Variants in RIMBP2 observed in about 807,000 individuals in gnomAD.
The protein encoded by RIMBP2 is RIMS binding protein 2.
In RIMBP2, 48 loss-of-function variants were observed where a neutral mutation model predicts 118.6. That is an observed-to-expected ratio of 0.40 (90% CI 0.32 to 0.51). RIMBP2 has a LOEUF of 0.51. Ranked by LOEUF, RIMBP2 falls within the 20% of genes least tolerant of loss-of-function variation. The probability of loss-of-function intolerance (pLI) is 0.41; values close to 1 mark genes in which losing one functional copy is unlikely to be tolerated. For synonymous variants in RIMBP2, 762 were observed against 742.9 expected, an observed-to-expected ratio of 1.03 and a Z score of -0.42; for missense variants, 1,551 against 1,768.3, an observed-to-expected ratio of 0.88 and a Z score of 2.20.
intron 2 of RIMBP2, among the ~76,000 whole-genome samples, chr12:130,520,554 C>T (rs976448740): frequency 2.0e-5 from 3 of 151,904 alleles, no homozygotes; most frequent in African/African-American, 7.3e-5. Context: ...CACCTGTAAT[C>T]CCAGCTACTC....
In RIMBP2 at chr12:130,525,655, G is replaced by C. The variant is rs938421772; in HGVS notation, c.-216-7738C>G. Among the ~76,000 whole-genome samples, 1 of 152,180 alleles carries C rather than the reference G, an allele frequency of 6.6e-6. No individual in the cohort carries two copies. Among genetic ancestry groups the C allele is most frequent in the Non-Finnish European group, 1.5e-5 (1 of 68,038 alleles). On this transcript the variant is annotated intron_variant, in intron 2 of 22. Transcript: ENST00000690449. The surrounding 1 kb of genome is among the most constrained non-coding windows in gnomAD (Gnocchi z 4.4). ...ATGGACACATGGGGAAGGCATGAGG[G>C]CAGCAGAGAGAAGGACGGGGCACTT...
rs564009004 is a variant in RIMBP2, at chr12:130,559,680, C to T, written c.-216-41763G>A. Among the ~76,000 whole-genome samples, 8 of 152,298 alleles carry T rather than the reference C, an allele frequency of 5.3e-5. No homozygotes were observed. In the South Asian group the frequency reaches 1.0e-3, roughly 20 times the overall value. On this transcript the variant is annotated intron_variant, in intron 2 of 22. Transcript: ENST00000690449. The stretch of plus-strand genomic sequence containing the variant: ...GGACTGCGTGCAGGGCACTGACAGG[C>T]GTACCTAATTCACATTAGTTCTTTA...
chr12:130,427,238 G>A (rs1006860709), intron 15 of RIMBP2: 2 of 152,238 alleles, frequency 1.3e-5, no homozygotes, highest in Non-Finnish European at 2.9e-5. Context: ...GTGCTGGGAA[G>A]CTTCGTCCCG....
intron 11 of RIMBP2, among the ~76,000 whole-genome samples, chr12:130,439,653 GATGTGTTTTTT>G (rs2077910620): frequency 3.4e-5 from 2 of 58,236 alleles, no homozygotes; most frequent in Non-Finnish European, 6.5e-5. Context: ...GTGTGGGGGG[GATGTGTTTTTT>G]TGTGTGGGGG....
At chr12:130,650,330 G>T (rs530450890) in intron 1 of RIMBP2, among the ~76,000 whole-genome samples, 2 of 152,366 alleles carry the variant, frequency 1.3e-5, no homozygotes, top group African/African-American at 4.8e-5. Context: ...TCCGAAACGT[G>T]CTGCCAGCTC....
At chr12:130,462,311 G>C (rs2080067928) in intron 6 of RIMBP2, among the ~76,000 whole-genome samples, 1 of 152,168 alleles carries the variant, frequency 6.6e-6, no homozygotes, top group African/African-American at 2.4e-5. Context: ...AGACAAGCTG[G>C]GCGATGCATT....
At chr12:130,626,132 A>G (rs1473646505) in intron 2 of RIMBP2, among the ~76,000 whole-genome samples, 1 of 152,248 alleles carries the variant, frequency 6.6e-6, no homozygotes, top group Non-Finnish European at 1.5e-5. Context: ...TAGTGGCTCT[A>G]TTGTAATGAG....
Position 130,422,695 on chromosome 12 carries a change from G to A in RIMBP2, c.3130-134C>T. ...AACTTAGCTTTTAACTGAAAGGTTA[G>A]CTGAATGGCCTGGGAGAGAACAAAG... On this transcript the variant is annotated intron_variant, in intron 16 of 22. Transcript: ENST00000690449. The surrounding 1 kb of genome is among the most constrained non-coding windows in gnomAD (Gnocchi z 5.2). The A allele has an allele frequency of 1.5e-6, 1 of 652,946 alleles. No individual in the cohort carries two copies. The highest frequency in any genetic ancestry group is 2.7e-6 in the Non-Finnish European group (1 of 371,402). The allele number at this position is 652,946 out of a possible 1,614,324, so 40.4% of individuals were successfully genotyped here.
intron 15 of RIMBP2, 191 bp from the exon 16 acceptor site, chr12:130,425,049 C>T: frequency 2.5e-6 from 1 of 401,276 alleles, no homozygotes; most frequent in Non-Finnish European, 4.3e-6. Flanking sequence ...GGTTACGGGG[C>T]TGGGGCGGGG....
chr12:130,496,579 C>G (rs1203120137), intron 4 of RIMBP2, among the ~76,000 whole-genome samples: 4 of 152,122 alleles, frequency 2.6e-5, no homozygotes, highest in Non-Finnish European at 5.9e-5. Flanking sequence ...GGGAGACCAG[C>G]ACACAGTGAT....
chr12:130,671,606 G>A (rs988037305), intron 1 of RIMBP2, among the ~76,000 whole-genome samples: 8 of 152,046 alleles, frequency 5.3e-5, no homozygotes, highest in East Asian at 1.9e-4. Flanking sequence ...CAACACTGTC[G>A]AAACTGTGGG....
chr12:130,598,819 T>C (rs1034853456), intron 2 of RIMBP2, among the ~76,000 whole-genome samples: 4 of 151,818 alleles, frequency 2.6e-5, no homozygotes, highest in African/African-American at 9.7e-5. Flanking sequence ...GATAGACAAA[T>C]AGTCCACTGA....
At chr12:130,674,109 C>G (rs2136473890) in intron 1 of RIMBP2, among the ~76,000 whole-genome samples, 1 of 152,166 alleles carries the variant, frequency 6.6e-6, no homozygotes, top group African/African-American at 2.4e-5. Flanking sequence ...CAGAGTGAGA[C>G]TCTGTCTAAA....
chr12:130,470,932 G>A (rs1428774107), intron 5 of RIMBP2, among the ~76,000 whole-genome samples, 189 bp from the exon 6 acceptor site: 1 of 152,148 alleles, frequency 6.6e-6, no homozygotes, highest in East Asian at 1.9e-4. Flanking sequence ...CAGGTTTGCT[G>A]TACAGATAAA....
At chr12:130,585,135 T>C (rs1366300181) in intron 2 of RIMBP2, among the ~76,000 whole-genome samples, 1 of 152,158 alleles carries the variant, frequency 6.6e-6, no homozygotes, top group Non-Finnish European at 1.5e-5. Flanking sequence ...AGTGATCCTC[T>C]TGACTTGGCC....
At chr12:130,609,163 C>A (rs1304907070) in intron 2 of RIMBP2, among the ~76,000 whole-genome samples, 1 of 152,040 alleles carries the variant, frequency 6.6e-6, no homozygotes, top group Non-Finnish European at 1.5e-5. Flanking sequence ...TGGTACCGAC[C>A]CAAAGAAAAT....
chr12:130,584,220 CCACCATCACTT>C (rs1566308518), intron 2 of RIMBP2, among the ~76,000 whole-genome samples: 23 of 73,758 alleles, frequency 3.1e-4, no homozygotes, highest in South Asian at 4.6e-4. Context: ...CACCTCACCA[CCACCATCACTT>C]CACCACCACC....
chr12:130,528,219 G>C (rs1402182622), intron 2 of RIMBP2, among the ~76,000 whole-genome samples: 1 of 152,144 alleles, frequency 6.6e-6, no homozygotes, highest in Non-Finnish European at 1.5e-5. Flanking sequence ...TGATAGACTT[G>C]ATAAAGAAAA....
rs193198201 is a variant in RIMBP2, at chr12:130,561,572, G to A, written c.-216-43655C>T. 6.6e-5 allele frequency among the ~76,000 whole-genome samples: 10 copies of A among 152,172 alleles called. No homozygotes were observed. In the East Asian group the frequency reaches 9.7e-4, roughly 15 times the overall value. ...GGGTAGAGGGACGGGTCCTTCTTGCGTAATCCGGTGTGATTTTTCTGGTGA... is the reference window on the plus strand; with the variant it reads ...GGGTAGAGGGACGGGTCCTTCTTGCATAATCCGGTGTGATTTTTCTGGTGA... On this transcript the variant is annotated intron_variant, in intron 2 of 22. Transcript: ENST00000690449.
Sources: gnomAD v4.1 joint callset for allele counts (sites outside exome capture counted in the v4.1 genomes callset) on GRCh38, gnomAD v4.1.1 for gene constraint, Gnocchi (gnomAD v3.1) non-coding constraint, MANE v1.5 for transcripts, NCBI Gene and HGNC (gene_info 2026-07-23, HGNC 2026-07-21) for gene names.